TBATA: variants seen among roughly 807,000 people sequenced by gnomAD.
TBATA encodes protein TBATA.
In TBATA, 47 loss-of-function variants were observed where a neutral mutation model predicts 38.7. The observed-to-expected ratio is 1.21, with a 90% CI of 0.96 to 1.55. The LOEUF (loss-of-function observed/expected upper bound fraction) is 1.55, where lower values mean the gene tolerates loss of function less well. TBATA is among the 40% of genes most tolerant of loss of function. The pLI is 0.00. For synonymous variants in TBATA, 183 were observed against 170.5 expected (o/e 1.07, Z -0.57); for missense variants, 436 against 435.6 (o/e 1.00, Z -0.01).
intron 7 of TBATA, chr10:70,776,206 G>T: frequency 2.7e-6 from 1 of 368,572 alleles, no homozygotes; most frequent in Non-Finnish European, 5.6e-6. Flanking sequence ...TCTGGGCTGG[G>T]CCTCTCCCCA....
chr10:70,782,074 C>G (rs749397697), intron 3 of TBATA, 38 bp from the exon 4 acceptor site: 1 of 1,603,076 alleles, frequency 6.2e-7, no homozygotes, highest in Non-Finnish European at 8.5e-7. Flanking sequence ...AATGGAGTCT[C>G]CTCTGGCAGT....
Position 70,781,791 on chromosome 10 carries a change from C to T in TBATA, c.277+10G>A. On this transcript the variant is annotated intron_variant, in intron 4 of 10. Transcript: ENST00000456372. ...TCCCTCTGCTCCCACCCCAACCAGCCAGGCCCTACCTTGGATGTGGGTCAC... is the reference window on the plus strand; with the variant it reads ...TCCCTCTGCTCCCACCCCAACCAGCTAGGCCCTACCTTGGATGTGGGTCAC... 6.2e-7 allele frequency: 1 copy of T among 1,612,566 alleles called. No individual in the cohort carries two copies.
rs751412347 is a variant in TBATA at position 70,783,333 on chromosome 10, C to A, written c.41+6G>T. On this transcript the variant is annotated splice_donor_region_variant and intron_variant, in intron 3 of 10. Transcript: ENST00000456372. ...CAGTCAGCAGGGTGGGCATTTGGAGCCTCACCTCATCAGTGGATAATCAGC... is the reference window on the plus strand; with the variant it reads ...CAGTCAGCAGGGTGGGCATTTGGAGACTCACCTCATCAGTGGATAATCAGC... 2 of 1,614,184 alleles carry A rather than the reference C, an allele frequency of 1.2e-6. No homozygotes were observed. The highest frequency in any genetic ancestry group is 4.5e-5 in the East Asian group (2 of 44,888).
In TBATA at chr10:70,775,245, A is replaced by G. The variant is rs146666828; in HGVS notation, c.719T>C (p.Leu240Pro). The G allele has an allele frequency of 6.2e-7, 1 of 1,614,154 alleles. No homozygotes were observed. The highest frequency in any genetic ancestry group is 8.5e-7 in the Non-Finnish European group (1 of 1,179,988). The change falls in exon 8 of 11, where the codon CTG becomes CCG. Residue 240 changes from leucine (L) to proline (P), a missense_variant. Leu to Pro is a moderately conservative substitution (Grantham distance 98, BLOSUM62 -3). Coordinates refer to ENST00000456372, the MANE Select transcript of TBATA (RefSeq NM_001318241.2). ...GATTGCGCTTAGCAAGTCTGTTTCC[A>G]GGATCCGACACAGGAGCTCCAGGAC... ...LLVLELLCRI[L>P]ETDLLSAIQF...
At position 70,783,334 on chromosome 10, in the gene TBATA, C is replaced by G; in HGVS notation, c.41+5G>C. On this transcript the variant is annotated splice_donor_5th_base_variant and intron_variant, in intron 3 of 10. Coordinates refer to ENST00000456372, the MANE Select transcript of TBATA (RefSeq NM_001318241.2). The stretch of plus-strand genomic sequence containing the variant: ...AGTCAGCAGGGTGGGCATTTGGAGC[C>G]TCACCTCATCAGTGGATAATCAGCC... The G allele has an allele frequency of 6.2e-7, 1 of 1,614,160 alleles. No individual in the cohort carries two copies. The highest frequency in any genetic ancestry group is 1.1e-5 in the South Asian group (1 of 91,086).
intron 7 of TBATA, chr10:70,776,513 T>C (rs1297023864): frequency 1.2e-5 from 5 of 423,784 alleles, no homozygotes; most frequent in Non-Finnish European, 1.9e-5. Context: ...CCCTGTCTGC[T>C]CTATCCACTT....
chr10:70,777,920 T>G, intron 6 of TBATA: 1 of 383,578 alleles, frequency 2.6e-6, no homozygotes, highest in Non-Finnish European at 5.1e-6. Context: ...TTGTCCTGAG[T>G]GCTGCAGTGA....
intron 10 of TBATA, 128 bp from the exon 11 acceptor site, chr10:70,771,589 G>T: frequency 1.2e-6 from 1 of 832,902 alleles, no homozygotes; most frequent in Non-Finnish European, 1.9e-6. Context: ...TCTCAGCTCT[G>T]CTGGTGACCG....
In TBATA at chr10:70,779,630, T is replaced by G. The variant is rs752939583; in HGVS notation, c.390A>C (p.Gly130=). ...GGGGGTTCCGATTAGACTGTGGGTC[T>G]CCAATGGGGACAGAGATGGTGGGTA... ...MGIPTISVPI[G]DPQSNRNPQL... The change falls in exon 5 of 11, where the codon GGA becomes GGC. Residue 130 remains glycine, a synonymous_variant. Coordinates refer to ENST00000456372, the MANE Select transcript of TBATA (RefSeq NM_001318241.2). 3.9e-6 allele frequency: 6 copies of G among 1,524,656 alleles called. No individual in the cohort carries two copies. The South Asian group carries it at 7.7e-5, about 20-fold the overall frequency. The allele number at this position is 1,524,656 out of a possible 1,614,324, so 94.4% of individuals were successfully genotyped here. A position where few individuals can be genotyped will look rare whatever the true frequency, so the allele number is the denominator to read the frequency against.
At position 70,772,282 on chromosome 10, in the gene TBATA, G is replaced by T. The variant is rs143536904; in HGVS notation, c.973+232C>A. ...TCCTCCTTGCTGGGATGTAAGTTCCGTGACAGCAGGAACTTGTCTGAATTC... is the reference window on the plus strand; with the variant it reads ...TCCTCCTTGCTGGGATGTAAGTTCCTTGACAGCAGGAACTTGTCTGAATTC... On this transcript the variant is annotated intron_variant, in intron 10 of 10. Coordinates refer to ENST00000456372, the MANE Select transcript of TBATA (RefSeq NM_001318241.2). 7.0e-4 allele frequency: 483 copies of T among 694,622 alleles called. 2 individuals carry two copies. Among genetic ancestry groups the T allele is most frequent in the Non-Finnish European group, 1.1e-3 (389 of 369,826 alleles). The allele number at this position is 694,622 out of a possible 1,614,324, so 43.0% of individuals were successfully genotyped here. A position where few individuals can be genotyped will look rare whatever the true frequency, so the allele number is the denominator to read the frequency against.
At chr10:70,777,691 T>A (rs1843606118) in intron 6 of TBATA, 3 of 383,592 alleles carry the variant, frequency 7.8e-6, no homozygotes, top group Non-Finnish European at 1.0e-5. Flanking sequence ...AGGTAGGTCC[T>A]CCTTGCTGCT....
chr10:70,773,261 A>T (rs1842964208), intron 9 of TBATA, among the ~76,000 whole-genome samples: 1 of 152,000 alleles, frequency 6.6e-6, no homozygotes, highest in African/African-American at 2.4e-5. Flanking sequence ...GCTTCTTCTC[A>T]CCAAGCCCAC....
At chr10:70,782,670 T>C (rs1328175692) in intron 3 of TBATA, 16 of 985,240 alleles carry the variant, frequency 1.6e-5, no homozygotes, top group Non-Finnish European at 1.8e-5. Flanking sequence ...TTTGCTTTGC[T>C]GGAGACAAGC....
At chr10:70,773,470 C>CA (rs1554826530) in intron 9 of TBATA, among the ~76,000 whole-genome samples, 2 of 151,682 alleles carry the variant, frequency 1.3e-5, no homozygotes, top group African/African-American at 4.8e-5. Flanking sequence ...TACAGGCCCC[C>CA]CCGGCTTCAC....
chr10:70,779,925 G>T (rs1032698653), intron 4 of TBATA, among the ~76,000 whole-genome samples, 183 bp from the exon 5 acceptor site: 1 of 152,030 alleles, frequency 6.6e-6, no homozygotes, highest in Non-Finnish European at 1.5e-5. Flanking sequence ...CCTCACCCAC[G>T]GGGGGATCCT....
At chr10:70,778,676 G>T in intron 5 of TBATA, 40 bp from the exon 6 acceptor site, 1 of 1,583,176 alleles carries the variant, frequency 6.3e-7, no homozygotes, top group Non-Finnish European at 8.7e-7. Flanking sequence ...TGAAGTCAGG[G>T]GCCCTCCTCC....
chr10:70,778,611 C>G lies in TBATA; in HGVS notation c.453G>C (p.Glu151Asp), dbSNP rs769128105. ...TGAGGAAGGCCACCCGGGAAGCTAG[C>G]TCCTTCAACTCCTTCTTCCAGGCTT... ...SSEAWKKELK[E>D]LASRVAFLTK... The change falls in exon 6 of 11, where the codon GAG (glutamate) becomes GAC (aspartate). Residue 151 changes from glutamate to aspartate, a missense_variant. Physicochemically the swap from Glu to Asp is conservative, Grantham distance 45. Transcript: ENST00000456372. 1 of 1,614,212 alleles carries G rather than the reference C, an allele frequency of 6.2e-7. No homozygotes were observed. Among genetic ancestry groups the G allele is most frequent in the South Asian group, 1.1e-5 (1 of 91,088 alleles).
chr10:70,771,621 G>C (rs1410520724), intron 10 of TBATA, among the ~76,000 whole-genome samples, 160 bp from the exon 11 acceptor site: 1 of 152,182 alleles, frequency 6.6e-6, no homozygotes, highest in East Asian at 1.9e-4. Context: ...CAACCTGAGA[G>C]GAATGGAGCG....
chr10:70,771,519 G>A, intron 10 of TBATA, 58 bp from the exon 11 acceptor site: 1 of 1,511,606 alleles, frequency 6.6e-7, no homozygotes, highest in Non-Finnish European at 9.1e-7. Flanking sequence ...CCCCCACCTG[G>A]GAGCTGCAGG....
Sources: gnomAD v4.1 joint callset for allele counts (sites outside exome capture counted in the v4.1 genomes callset) on GRCh38, gnomAD v4.1.1 for gene constraint, MANE v1.5 for transcripts, NCBI Gene and HGNC (gene_info 2026-07-23, HGNC 2026-07-21) for gene names.